RGL1: variants seen among roughly 807,000 people sequenced by gnomAD.
The protein encoded by RGL1 is ral guanine nucleotide dissociation stimulator like 1.
RGL1 carries 24 observed loss-of-function variants against 95.2 expected under a neutral mutation model. The observed-to-expected ratio is 0.25, with a 90% CI of 0.18 to 0.35. The LOEUF (loss-of-function observed/expected upper bound fraction) is 0.35. RGL1 is among the 10% of genes least tolerant of loss of function. The pLI, the probability that RGL1 is intolerant of heterozygous loss-of-function variation, is 1.00. For missense variants in RGL1, 715 were observed against 936.3 expected, an observed-to-expected ratio of 0.76 and a Z score of 3.08; for synonymous variants, 329 against 344.9, an observed-to-expected ratio of 0.95 and a Z score of 0.51.
chr1:183,656,091 C>T (rs1327717318), intron 1 of RGL1, among the ~76,000 whole-genome samples: 1 of 148,562 alleles, frequency 6.7e-6, no homozygotes, highest in African/African-American at 2.5e-5. Flanking sequence ...CAAAGCAGAC[C>T]AAGTTTTTTT....
chr1:183,845,637 T>G (rs1664370018), intron 2 of RGL1, among the ~76,000 whole-genome samples: 1 of 152,192 alleles, frequency 6.6e-6, no homozygotes, highest in Admixed American at 6.5e-5. Context: ...AACCCAGTGG[T>G]GCTTGGTACA....
chr1:183,884,144 C>T lies in RGL1; in HGVS notation c.735+234C>T, dbSNP rs189525708. Among the ~76,000 whole-genome samples the T allele has an allele frequency of 5.9e-5, 9 of 152,344 alleles. No individual in the cohort carries two copies. In the South Asian group the frequency reaches 8.3e-4, roughly 14 times the overall value. On this transcript the variant is annotated intron_variant, in intron 6 of 17. Coordinates refer to ENST00000360851, the MANE Select transcript of RGL1 (RefSeq NM_001297671.3). ...GAAGGTGCTTTTGGAGCTCAAGACA[C>T]AGAGGGAAATAAGAATTCGAATCCC...
rs1665971875 is a variant in RGL1, at chr1:183,868,546, G to T, written c.425+2473G>T. Among the ~76,000 whole-genome samples the T allele has an allele frequency of 2.0e-5, 3 of 152,188 alleles. No individual in the cohort carries two copies. The South Asian group carries it at 6.2e-4, about 32-fold the overall frequency. ...TGGATTAGAATCTGCATTTTAACAA[G>T]ATTCTCAAGTGATTCCTAAGCACTT... On this transcript the variant is annotated intron_variant, in intron 4 of 17. Transcript: ENST00000360851.
At chr1:183,689,469 C>T (rs1653813628) in intron 1 of RGL1, among the ~76,000 whole-genome samples, 1 of 152,178 alleles carries the variant, frequency 6.6e-6, no homozygotes, top group Non-Finnish European at 1.5e-5. Context: ...GCATCTATTT[C>T]AAGCACCCTG....
At chr1:183,912,428 C>A (rs894356105) in intron 15 of RGL1, among the ~76,000 whole-genome samples, 160 bp downstream of exon 15, 1 of 152,172 alleles carries the variant, frequency 6.6e-6, no homozygotes, top group Non-Finnish European at 1.5e-5. Context: ...TGGGGACATA[C>A]TACTAATAGA....
intron 2 of RGL1, among the ~76,000 whole-genome samples, chr1:183,786,236 T>TA (rs1158265518): frequency 1.3e-5 from 2 of 152,168 alleles, no homozygotes; most frequent in South Asian, 2.1e-4. Context: ...ATCCCATCTC[T>TA]AAAAAAATAT....
intron 1 of RGL1, among the ~76,000 whole-genome samples, chr1:183,668,119 C>T (rs908579622): frequency 3.9e-5 from 6 of 152,016 alleles, no homozygotes. Context: ...TTTTATTTTA[C>T]CCTTTACGTA....
intron 1 of RGL1, among the ~76,000 whole-genome samples, chr1:183,649,045 G>A (rs887167388): frequency 1.2e-4 from 19 of 152,186 alleles, no homozygotes. Context: ...TTCCAAGTCA[G>A]TAAAGCAAAT....
chr1:183,731,040 A>G (rs911835069), intron 1 of RGL1, among the ~76,000 whole-genome samples: 7 of 152,184 alleles, frequency 4.6e-5, no homozygotes, highest in Non-Finnish European at 8.8e-5. Context: ...ATTTTTCAGT[A>G]CACAATGAAG....
At chr1:183,659,100 A>G (rs922892443) in intron 1 of RGL1, among the ~76,000 whole-genome samples, 14 of 152,114 alleles carry the variant, frequency 9.2e-5, no homozygotes, top group South Asian at 2.1e-4. Context: ...AACCACAAAG[A>G]TGGGGAAAAA....
chr1:183,916,696 A>G lies in RGL1; in HGVS notation c.1999A>G (p.Ile667Val). 6.2e-7 allele frequency: 1 copy of G among 1,611,822 alleles called. No individual in the cohort carries two copies. Among genetic ancestry groups the G allele is most frequent in the Non-Finnish European group, 8.5e-7 (1 of 1,179,374 alleles). The change falls in exon 16 of 18, where the codon ATC (isoleucine) becomes GTC (valine). Residue 667 changes from isoleucine to valine, a missense_variant. Physicochemically the swap from Ile to Val is conservative, Grantham distance 29. This residue lies in a region of RGL1 where 330 missense variants were observed against 429.6 expected (regional missense o/e 0.77). Coordinates refer to ENST00000360851, the MANE Select transcript of RGL1 (RefSeq NM_001297671.3). ...EDNNGNMYKSIMLTSQDKTPA... is the reference protein window; with the variant it reads ...EDNNGNMYKSVMLTSQDKTPA... ...CAATAACGGCAACATGTACAAGAGC[A>G]TCATGGTGAGGAGCAAGCCCTGACC...
rs115755380 is a variant in RGL1, at chr1:183,719,202, T to C, written c.-32-22924T>C. Among the ~76,000 whole-genome samples, 1,290 of 152,342 alleles carry C rather than the reference T, an allele frequency of 8.5e-3. 21 individuals carry two copies. The highest frequency in any genetic ancestry group is 0.029 in the African/African-American group (1,197 of 41,578). ...TTAGGGGCAAACTACACTATTCATT[T>C]CATTCTTTCCTACTTGCTTTATGTG... On this transcript the variant is annotated intron_variant, in intron 1 of 18. Coordinates refer to the RGL1 transcript ENST00000304685.
At chr1:183,821,293 T>C (rs1662474658) in intron 2 of RGL1, among the ~76,000 whole-genome samples, 1 of 152,228 alleles carries the variant, frequency 6.6e-6, no homozygotes, top group African/African-American at 2.4e-5. Flanking sequence ...TGTGGTTTAT[T>C]TGTGGGTTCT....
intron 13 of RGL1, among the ~76,000 whole-genome samples, chr1:183,906,038 C>G (rs1473570541): frequency 6.6e-6 from 1 of 152,124 alleles, no homozygotes; most frequent in African/African-American, 2.4e-5. Context: ...TGGCCCATCC[C>G]TACCCTAGCC....
chr1:183,761,181 C>T (rs1008992589), intron 2 of RGL1, among the ~76,000 whole-genome samples: 1 of 152,146 alleles, frequency 6.6e-6, no homozygotes, highest in Non-Finnish European at 1.5e-5. Flanking sequence ...TGAATCCTTT[C>T]CAAAAGATTT....
chr1:183,666,585 G>T (rs951113966), intron 1 of RGL1, among the ~76,000 whole-genome samples: 3 of 151,496 alleles, frequency 2.0e-5, no homozygotes, highest in Admixed American at 1.3e-4. Context: ...ACTCCTGAAC[G>T]CAGGCCATCC....
intron 1 of RGL1, among the ~76,000 whole-genome samples, chr1:183,714,684 G>T (rs145366300): frequency 2.5e-4 from 38 of 152,324 alleles, no homozygotes; most frequent in African/African-American, 9.1e-4. Context: ...CCATAGTACT[G>T]TCACAGCATG....
intron 3 of RGL1, among the ~76,000 whole-genome samples, chr1:183,856,758 G>GA (rs1315354050): frequency 1.3e-5 from 2 of 151,840 alleles, no homozygotes; most frequent in African/African-American, 4.8e-5. Context: ...TGGTAGAAGA[G>GA]AAAAGAGGAT....
At chr1:183,844,164 C>G (rs557506542) in intron 2 of RGL1, among the ~76,000 whole-genome samples, 1 of 152,282 alleles carries the variant, frequency 6.6e-6, no homozygotes, top group African/African-American at 2.4e-5. Context: ...GAATATCATG[C>G]AGGCTGACAA....
Sources: allele counts gnomAD v4.1 joint callset (sites outside exome capture counted in the v4.1 genomes callset), GRCh38; gene constraint gnomAD v4.1.1; regional missense constraint gnomAD v4.1.1; transcripts MANE v1.5; gene names NCBI Gene and HGNC (gene_info 2026-07-23, HGNC 2026-07-21).